Variants in MORF4L2 observed in about 807,000 individuals in gnomAD.
MORF4L2 encodes mortality factor 4 like 2.
A neutral mutation model predicts 12.0 loss-of-function variants in MORF4L2; 1 was observed. That is an observed-to-expected ratio of 0.08 (90% CI 0.03 to 0.40). The LOEUF is 0.40. Ranked by LOEUF, MORF4L2 falls within the 10% of genes least tolerant of loss-of-function variation. The pLI is 0.98. For synonymous variants in MORF4L2, 69 were observed against 81.6 expected (o/e 0.85, Z 0.83); for missense variants, 123 against 214.0 (o/e 0.57, Z 2.65).
chrX:103,684,964 A>G (rs1481463728), intron 2 of MORF4L2: 1 of 112,609 alleles, frequency 8.9e-6, no homozygotes, highest in Non-Finnish European at 1.9e-5. Flanking sequence ...ATCTTTTATC[A>G]AGGGATGTAA....
upstream of MORF4L2, among the ~76,000 whole-genome samples, chrX:103,687,010 G>T (rs2074127339): frequency 9.2e-6 from 1 of 108,834 alleles, no homozygotes; most frequent in African/African-American, 3.4e-5. Flanking sequence ...CGTGACAGCC[G>T]TTGGGTCATA....
At chrX:103,679,881 A>AAAAAAAAAAG (rs1556144429) in intron 2 of MORF4L2, among the ~76,000 whole-genome samples, 4 of 48,996 alleles carry the variant, frequency 8.2e-5, no homozygotes, top group South Asian at 1.6e-3. Flanking sequence ...AAAAAAAAAA[A>AAAAAAAAAAG]AAAAGAAAAG....
intron 2 of MORF4L2, among the ~76,000 whole-genome samples, chrX:103,680,055 G>A (rs1240687124): frequency 1.8e-5 from 2 of 110,691 alleles, no homozygotes; most frequent in African/African-American, 6.6e-5. Flanking sequence ...GCTTAGTGGT[G>A]CACACCTATA....
intron 2 of MORF4L2, among the ~76,000 whole-genome samples, chrX:103,682,351 T>C (rs915957985): frequency 3.6e-5 from 4 of 112,403 alleles, no homozygotes; most frequent in Non-Finnish European, 7.5e-5. Context: ...TAAGTACCTC[T>C]GAAGGATATA....
intron 2 of MORF4L2, among the ~76,000 whole-genome samples, chrX:103,682,099 G>A (rs2073998566): frequency 9.0e-6 from 1 of 111,449 alleles, no homozygotes; most frequent in South Asian, 3.7e-4. Flanking sequence ...TATATAGCAT[G>A]CATTTATTTA....
Position 103,676,635 on chromosome X carries a change from T to C in MORF4L2, c.393A>G (p.Pro131=), listed in dbSNP as rs201217837. ...CTAAGTCCCAGTCCTCAACAAGCCA[T>C]GGTTTTAATTCTTCAGGAATCTTCA... ...VKVKIPEELK[P]WLVEDWDLVT... The change falls in exon 4 of 4, where the codon CCA becomes CCG. Residue 131 remains proline (P), a synonymous_variant. Transcript: ENST00000441076. 11 of 1,208,249 alleles carry C rather than the reference T, an allele frequency of 9.1e-6. No homozygotes were observed. The Admixed American group carries it at 2.2e-4, about 24-fold the overall frequency.
Position 103,679,585 on chromosome X carries a change from T to C in MORF4L2, c.-177-934A>G, listed in dbSNP as rs191313183. Among the ~76,000 whole-genome samples the C allele has an allele frequency of 3.7e-5, 4 of 107,955 alleles. No individual in the cohort carries two copies. The East Asian group carries it at 1.2e-3, about 31-fold the overall frequency. The allele number at this position is 107,955 out of a possible 115,157, so 93.7% of individuals were successfully genotyped here. A position where few individuals can be genotyped will look rare whatever the true frequency, so the allele number is the denominator to read the frequency against. Reference sequence around the variant, plus strand: ...AGTGTGAAATAGTTTTTAGGAAGAGTGTGCTGTCATTTGTGTGTGTGTTTT... The same window carrying C: ...AGTGTGAAATAGTTTTTAGGAAGAGCGTGCTGTCATTTGTGTGTGTGTTTT... On this transcript the variant is annotated intron_variant, in intron 2 of 3. Transcript: ENST00000441076.
rs148938796 is a variant in MORF4L2, at chrX:103,682,778, A to G, written c.-178+2393T>C. ...GTGTCTTACTATGACTGTTGTATGT[A>G]TATGTGCATACATCTCTCAATATCA... On this transcript the variant is annotated intron_variant, in intron 2 of 3. Coordinates refer to ENST00000441076, the MANE Select transcript of MORF4L2 (RefSeq NM_012286.3). 9.5e-3 allele frequency among the ~76,000 whole-genome samples: 1,066 copies of G among 112,132 alleles called. 14 individuals are homozygous for G. Among genetic ancestry groups the G allele is most frequent in the African/African-American group, 0.033 (1,017 of 30,858 alleles).
intron 2 of MORF4L2, among the ~76,000 whole-genome samples, chrX:103,679,302 G>C (rs1840869396): frequency 9.9e-6 from 1 of 100,688 alleles, no homozygotes; most frequent in Non-Finnish European, 2.0e-5. Context: ...TCAGGAGTTT[G>C]AGACCAGCCT....
chrX:103,682,425 AT>A (rs2074006590), intron 2 of MORF4L2, among the ~76,000 whole-genome samples: 1 of 112,067 alleles, frequency 8.9e-6, no homozygotes, highest in Non-Finnish European at 1.9e-5. Context: ...ATAGAGCCAA[AT>A]TCACCTCACA....
intron 2 of MORF4L2, 184 bp downstream of exon 2, chrX:103,684,987 C>T (rs2074065313): frequency 8.9e-6 from 1 of 112,622 alleles, no homozygotes; most frequent in Non-Finnish European, 1.9e-5. Flanking sequence ...TTACAAAGCC[C>T]TCTGTTGCTT....
rs927545954 is a variant in MORF4L2 at position 103,678,482 on chromosome X, C to T, written c.-25+17G>A. 21 of 111,692 alleles carry T rather than the reference C, an allele frequency of 1.9e-4. No individual in the cohort carries two copies. The highest frequency in any genetic ancestry group is 5.6e-4 in the East Asian group (2 of 3,549). The allele number at this position is 111,692 out of a possible 1,213,427, so 9.2% of individuals were successfully genotyped here. A position where few individuals can be genotyped will look rare whatever the true frequency, so the allele number is the denominator to read the frequency against. The stretch of plus-strand genomic sequence containing the variant: ...TATTCTTATGGTGTGACAGAGGAAA[C>T]AATTCCTTTGACTTACACAATCTTC... On this transcript the variant is annotated intron_variant, in intron 3 of 3. Transcript: ENST00000441076.
chrX:103,683,183 A>G (rs1444347867), intron 2 of MORF4L2, among the ~76,000 whole-genome samples: 10 of 110,980 alleles, frequency 9.0e-5, no homozygotes, highest in Non-Finnish European at 1.9e-5. Context: ...GGTTCAAGCA[A>G]TTCTCTGCCT....
chrX:103,676,068 C>T lies in MORF4L2; in HGVS notation c.*93G>A, dbSNP rs1247968206. ...AAACATAAGCCCTGTTATACATTAA[C>T]GATTTTAAAGAACATCAATTTTACA... On this transcript the variant is annotated 3_prime_UTR_variant, in exon 4 of 4. Transcript: ENST00000441076. The T allele has an allele frequency of 1.3e-5, 12 of 937,754 alleles. No individual in the cohort carries two copies. The Admixed American group carries it at 1.3e-4, about 10-fold the overall frequency. 77.3% of individuals were successfully genotyped at this position (937,754 alleles called of 1,213,427 possible).
chrX:103,688,003 C>T (rs1169074668), upstream of MORF4L2: 2 of 111,722 alleles, frequency 1.8e-5, no homozygotes, highest in African/African-American at 3.3e-5. Flanking sequence ...GCGTCCTGAT[C>T]TCCAAGCAAG....
At position 103,676,941 on chromosome X, in the gene MORF4L2, C is replaced by A. The variant is rs1243971584; in HGVS notation, c.87G>T (p.Met29Ile). The A allele has an allele frequency of 3.3e-6, 4 of 1,206,025 alleles. No individual in the cohort carries two copies. The highest frequency in any genetic ancestry group is 3.4e-6 in the Non-Finnish European group (3 of 894,384). The change falls in exon 4 of 4, where the codon ATG (methionine) becomes ATT (isoleucine). Residue 29 changes from methionine to isoleucine, a missense_variant. Coordinates refer to ENST00000441076, the MANE Select transcript of MORF4L2 (RefSeq NM_012286.3). ...AGGCCCCTCTCATTTTACTTCTCTG[C>A]ATGTTGCTTCTAGTTGGTTTTTTGA... is the stretch of plus-strand genomic sequence containing the variant. ...ENFKKPTRSN[M>I]QRSKMRGASS...
At chrX:103,682,898 C>G (rs112247023) in intron 2 of MORF4L2, among the ~76,000 whole-genome samples, 2,032 of 111,660 alleles carry the variant, frequency 0.018, 45 homozygotes, top group African/African-American at 0.062. Flanking sequence ...TGATTTCCTA[C>G]TCATTATTGG....
upstream of MORF4L2, chrX:103,687,135 G>T (rs1432047538): frequency 9.5e-6 from 1 of 105,152 alleles, no homozygotes; most frequent in Non-Finnish European, 2.0e-5. Flanking sequence ...GAGGCATTAT[G>T]GGTTTGTGGT....
intron 2 of MORF4L2, among the ~76,000 whole-genome samples, chrX:103,681,163 A>G (rs1441442808): frequency 9.0e-6 from 1 of 111,716 alleles, no homozygotes; most frequent in East Asian, 2.8e-4. Flanking sequence ...GACAACAGTC[A>G]CCAACTATTT....
Sources: gnomAD v4.1 joint callset for allele counts (sites outside exome capture counted in the v4.1 genomes callset) on GRCh38, gnomAD v4.1.1 for gene constraint, MANE v1.5 for transcripts, NCBI Gene and HGNC (gene_info 2026-07-23, HGNC 2026-07-21) for gene names.